BRCA2: variants seen among roughly 807,000 people sequenced by gnomAD.
BRCA2 encodes BRCA2 DNA repair associated, also known as breast cancer type 2 susceptibility protein.
A neutral mutation model predicts 276.7 loss-of-function variants in BRCA2; 203 were observed. The ratio of observed to expected loss-of-function variants is 0.73; its 90% CI spans 0.65 to 0.82. BRCA2 has a LOEUF of 0.82. BRCA2 is among the 40% of genes least tolerant of loss of function. The pLI is 0.00. For missense variants in BRCA2, 3,920 were observed against 3,915.0 expected, an observed-to-expected ratio of 1.00 and a Z score of -0.03; for synonymous variants, 1,289 against 1,338.4, an observed-to-expected ratio of 0.96 and a Z score of 0.81.
rs1434920074 is a variant in BRCA2 at position 32,337,189 on chromosome 13, A to T, written c.2834A>T (p.Lys945Ile). Reference protein sequence around the residue: ...DKQATQVSIKKDLVYVLAEEN... With the variant: ...DKQATQVSIKIDLVYVLAEEN... The stretch of plus-strand genomic sequence containing the variant: ...CAAGCAACCCAAGTGTCAATTAAAA[A>T]AGATTTGGTTTATGTTCTTGCAGAG... The change falls in exon 11 of 27, where the codon AAA becomes ATA. Residue 945 changes from lysine (K) to isoleucine (I), a missense_variant. Physicochemically the swap from Lys to Ile is moderately radical, Grantham distance 102. Transcript: ENST00000380152. 1.2e-6 allele frequency: 2 copies of T among 1,613,850 alleles called. No individual in the cohort carries two copies. The highest frequency in any genetic ancestry group is 1.7e-6 in the Non-Finnish European group (2 of 1,179,880).
At chr13:32,369,597 G>A (rs749811033) in intron 18 of BRCA2, among the ~76,000 whole-genome samples, 23 of 152,030 alleles carry the variant, frequency 1.5e-4, no homozygotes, top group Non-Finnish European at 3.2e-4. Flanking sequence ...TTTTGGAGAC[G>A]GAGGCACGCT....
At position 32,339,078 on chromosome 13, in the gene BRCA2, G is replaced by T. The variant is rs587782013; in HGVS notation, c.4723G>T (p.Asp1575Tyr). 1 of 1,614,012 alleles carries T rather than the reference G, an allele frequency of 6.2e-7. No homozygotes were observed. Among genetic ancestry groups the T allele is most frequent in the South Asian group, 1.1e-5 (1 of 91,082 alleles). The change falls in exon 11 of 27, where the codon GAC (aspartate) becomes TAC (tyrosine). Residue 1575 changes from aspartate to tyrosine, a missense_variant. Asp to Tyr is a radical substitution (Grantham distance 160). Coordinates refer to ENST00000380152, the MANE Select transcript of BRCA2 (RefSeq NM_000059.4). The part of the protein sequence containing the change: ...KTLKYREACK[D>Y]LELACETIEI... Reference sequence around the variant, plus strand: ...CCTAAAGTACAGAGAGGCCTGTAAAGACCTTGAATTAGCATGTGAGACCAT... The same window carrying T: ...CCTAAAGTACAGAGAGGCCTGTAAATACCTTGAATTAGCATGTGAGACCAT...
At chr13:32,378,895 A>G (rs973819880) in intron 21 of BRCA2, among the ~76,000 whole-genome samples, 2 of 152,198 alleles carry the variant, frequency 1.3e-5, no homozygotes, top group South Asian at 2.1e-4. Flanking sequence ...TCTACTACCT[A>G]TGTGGCTTGT....
At chr13:32,381,788 C>CA (rs959911826) in intron 24 of BRCA2, among the ~76,000 whole-genome samples, 1 of 152,114 alleles carries the variant, frequency 6.6e-6, no homozygotes, top group African/African-American at 2.4e-5. Flanking sequence ...AGAGTACAAA[C>CA]AAGCCATTTG....
rs371454630 is a variant in BRCA2 at position 32,332,622 on chromosome 13, A to C, written c.1144A>C (p.Lys382Gln). 28 of 1,614,010 alleles carry C rather than the reference A, an allele frequency of 1.7e-5. No homozygotes were observed. The highest frequency in any genetic ancestry group is 2.4e-5 in the Non-Finnish European group (28 of 1,179,998). The change falls in exon 10 of 27, where the codon AAA (lysine) becomes CAA (glutamine). Residue 382 changes from lysine to glutamine, a missense_variant. Coordinates refer to ENST00000380152, the MANE Select transcript of BRCA2 (RefSeq NM_000059.4). ...GAAGCCCTTTGAGAGTGGAAGTGAC[A>C]AAATCTCCAAGGAAGTTGTACCGTC... ...NQKPFESGSD[K>Q]ISKEVVPSLA...
Position 32,382,933 on chromosome 13 carries a change from G to C in BRCA2, c.9256+2788G>C, listed in dbSNP as rs1297157617. Among the ~76,000 whole-genome samples, 3 of 152,080 alleles carry C rather than the reference G, an allele frequency of 2.0e-5. No homozygotes were observed. In the East Asian group the frequency reaches 5.8e-4, roughly 29 times the overall value. ...GAGAGACTGTTCATCTGTAATCACAGGAAAAAAGTAAAGTACGTAGGTATA... is the reference window on the plus strand; with the variant it reads ...GAGAGACTGTTCATCTGTAATCACACGAAAAAAGTAAAGTACGTAGGTATA... On this transcript the variant is annotated intron_variant, in intron 24 of 26. Transcript: ENST00000380152.
chr13:32,362,548 GATCCAA>G lies in BRCA2; in HGVS notation c.7833_7838del (p.Asp2611_Lys2613delinsGlu), dbSNP rs2072744897. ...GGCTCTGTGTGACACTCCAGGTGTG[GATCCAA>G]AGCTTATTTCTAGAATTTGGGTTTA... On this transcript the variant is annotated inframe_deletion, in exon 17 of 27. Transcript: ENST00000380152. The G allele has an allele frequency of 6.2e-7, 1 of 1,613,846 alleles. No homozygotes were observed. Among genetic ancestry groups the G allele is most frequent in the African/African-American group, 1.3e-5 (1 of 74,880 alleles).
chr13:32,342,275 A>T (rs1409459697), intron 11 of BRCA2, among the ~76,000 whole-genome samples: 1 of 151,312 alleles, frequency 6.6e-6, no homozygotes, highest in East Asian at 1.9e-4. Context: ...TGTCTCAAAA[A>T]AAAAAAAAAA....
chr13:32,373,985 T>C (rs2072853967), intron 20 of BRCA2, among the ~76,000 whole-genome samples: 1 of 152,266 alleles, frequency 6.6e-6, no homozygotes, highest in Non-Finnish European at 1.5e-5. Context: ...AGCTGAACTC[T>C]TGTCTTCTAC....
Position 32,398,435 on chromosome 13 carries a change from T to A in BRCA2, c.9922T>A (p.Tyr3308Asn), listed in dbSNP as rs750818430. The A allele has an allele frequency of 6.2e-7, 1 of 1,614,040 alleles. No homozygotes were observed. The highest frequency in any genetic ancestry group is 1.7e-5 in the Admixed American group (1 of 59,982). ...FQPPRSCGTK[Y>N]ETPIKKKELN... Reference sequence around the variant, plus strand: ...GCCACCAAGGAGTTGTGGCACCAAATACGAAACACCCATAAAGAAAAAAGA... The same window carrying A: ...GCCACCAAGGAGTTGTGGCACCAAAAACGAAACACCCATAAAGAAAAAAGA... Residue 3308 changes from tyrosine (Y) to asparagine (N), a missense_variant, in exon 27 of 27, where the codon TAC becomes AAC. This residue lies in a region of BRCA2 where 657 missense variants were observed against 758.2 expected (regional missense o/e 0.87). Coordinates refer to ENST00000380152, the MANE Select transcript of BRCA2 (RefSeq NM_000059.4).
At chr13:32,368,373 A>G (rs781550868) in intron 18 of BRCA2, among the ~76,000 whole-genome samples, 5 of 152,176 alleles carry the variant, frequency 3.3e-5, no homozygotes, top group Non-Finnish European at 5.9e-5. Context: ...GTCTACCAAC[A>G]TAATTTTCAA....
Position 32,331,133 on chromosome 13 carries a change from A to C in BRCA2, c.793+103A>C. The C allele has an allele frequency of 5.1e-6, 4 of 790,158 alleles. 1 individual carries two copies. Among genetic ancestry groups the C allele is most frequent in the Non-Finnish European group, 8.5e-6 (4 of 472,598 alleles). 48.9% of individuals were successfully genotyped at this position (790,158 alleles called of 1,614,324 possible). A position where few individuals can be genotyped will look rare whatever the true frequency, so the allele number is the denominator to read the frequency against. On this transcript the variant is annotated intron_variant, in intron 9 of 26. Coordinates refer to ENST00000380152, the MANE Select transcript of BRCA2 (RefSeq NM_000059.4). Reference sequence around the variant, plus strand: ...GCTCTGTCACCCGTGATCTCGGTTTACCGCAACCTCTGCCTCCCGTGCTCA... The same window carrying C: ...GCTCTGTCACCCGTGATCTCGGTTTCCCGCAACCTCTGCCTCCCGTGCTCA...
chr13:32,357,347 A>G (rs1330586174), intron 15 of BRCA2, among the ~76,000 whole-genome samples: 2 of 152,354 alleles, frequency 1.3e-5, no homozygotes, highest in African/African-American at 4.8e-5. Flanking sequence ...TTTGAAAGTA[A>G]GCCAAGCCTG....
intron 24 of BRCA2, among the ~76,000 whole-genome samples, chr13:32,390,981 G>T (rs1393694160): frequency 1.3e-5 from 2 of 152,140 alleles, no homozygotes; most frequent in Admixed American, 1.3e-4. Context: ...GGGTCACAAT[G>T]CTATAAATTG....
intron 24 of BRCA2, among the ~76,000 whole-genome samples, chr13:32,389,294 A>G (rs2072981651): frequency 6.6e-6 from 1 of 152,182 alleles, no homozygotes; most frequent in Non-Finnish European, 1.5e-5. Flanking sequence ...TGTTTTAGTC[A>G]TCAAACATAA....
rs1211901524 is a variant in BRCA2, at chr13:32,325,268, A to G, written c.425+84A>G. 4.5e-6 allele frequency: 5 copies of G among 1,107,198 alleles called. No homozygotes were observed. In the African/African-American group the frequency reaches 6.3e-5, roughly 14 times the overall value. The allele number at this position is 1,107,198 out of a possible 1,614,324, so 68.6% of individuals were successfully genotyped here. On this transcript the variant is annotated intron_variant, in intron 4 of 26. Coordinates refer to ENST00000380152, the MANE Select transcript of BRCA2 (RefSeq NM_000059.4). The stretch of plus-strand genomic sequence containing the variant: ...TTCTATAAAGATGAATCTGATTTTT[A>G]TGCTAATATTTTGGCTAAGAGCCTG...
Position 32,380,152 on chromosome 13 carries a change from C to T in BRCA2, c.9256+7C>T, listed in dbSNP as rs373697701. On this transcript the variant is annotated splice_region_variant and intron_variant, in intron 24 of 26. Transcript: ENST00000380152. Reference sequence around the variant, plus strand: ...TCTGTTGTGAAAAAAACAGGTAATGCACAATATAGTTAATTTTTTTTATTG... The same window carrying T: ...TCTGTTGTGAAAAAAACAGGTAATGTACAATATAGTTAATTTTTTTTATTG... 1.9e-6 allele frequency: 3 copies of T among 1,604,838 alleles called. No homozygotes were observed. The highest frequency in any genetic ancestry group is 2.6e-6 in the Non-Finnish European group (3 of 1,176,050).
At chr13:32,377,771 A>G (rs1296813775) in intron 21 of BRCA2, among the ~76,000 whole-genome samples, 6 of 152,150 alleles carry the variant, frequency 3.9e-5, no homozygotes, top group Non-Finnish European at 8.8e-5. Flanking sequence ...AAATTCTAAG[A>G]TTAGTTTGTT....
intron 24 of BRCA2, among the ~76,000 whole-genome samples, chr13:32,390,870 G>C (rs754081884): frequency 1.3e-5 from 2 of 152,170 alleles, no homozygotes; most frequent in Non-Finnish European, 2.9e-5. Flanking sequence ...CAGGTATGCA[G>C]CATCTCATAC....
Sources: allele counts gnomAD v4.1 joint callset (sites outside exome capture counted in the v4.1 genomes callset), GRCh38; gene constraint gnomAD v4.1.1; regional missense constraint gnomAD v4.1.1; transcripts MANE v1.5; gene names NCBI Gene and HGNC (gene_info 2026-07-23, HGNC 2026-07-21).